Variants in SPAG16 observed in about 807,000 individuals in gnomAD.
The protein encoded by SPAG16 is sperm associated antigen 16.
A neutral mutation model predicts 80.4 loss-of-function variants in SPAG16; 86 were observed. The ratio of observed to expected loss-of-function variants is 1.07; its 90% CI spans 0.90 to 1.28. The LOEUF (loss-of-function observed/expected upper bound fraction) is 1.28. Among genes scored for constraint, SPAG16 ranks in the 50% most tolerant of loss-of-function variants. The pLI is 0.00. For missense variants in SPAG16, 870 were observed against 765.3 expected, an observed-to-expected ratio of 1.14 and a Z score of -1.61; for synonymous variants, 294 against 265.9, an observed-to-expected ratio of 1.11 and a Z score of -1.03.
In SPAG16 at chr2:213,949,183, T is replaced by G. The variant is rs1034552747; in HGVS notation, c.1400+19038T>G. Among the ~76,000 whole-genome samples the G allele has an allele frequency of 3.4e-3, 65 of 19,164 alleles. 2 individuals carry two copies. Among genetic ancestry groups the G allele is most frequent in the South Asian group, 0.027 (5 of 188 alleles). The allele number at this position is 19,164 out of a possible 152,430, so 12.6% of individuals were successfully genotyped here. A position where few individuals can be genotyped will look rare whatever the true frequency, so the allele number is the denominator to read the frequency against. Reference sequence around the variant, plus strand: ...TAATTACAACAGTTTTTTTTTTTTTTTTTTTTTTTTGAGGTAGAGTCTCTG... The same window carrying G: ...TAATTACAACAGTTTTTTTTTTTTTGTTTTTTTTTTGAGGTAGAGTCTCTG... On this transcript the variant is annotated intron_variant, in intron 12 of 15. Transcript: ENST00000331683.
intron 15 of SPAG16, among the ~76,000 whole-genome samples, chr2:214,183,841 T>C (rs369243828): frequency 1.3e-5 from 2 of 152,156 alleles, no homozygotes; most frequent in African/African-American, 2.4e-5. Context: ...GTGTATAGAT[T>C]ACCCCATCTG....
At chr2:213,969,278 C>G (rs2044883764) in intron 12 of SPAG16, among the ~76,000 whole-genome samples, 1 of 152,186 alleles carries the variant, frequency 6.6e-6, no homozygotes, top group African/African-American at 2.4e-5. Flanking sequence ...AATTCTCCAT[C>G]CAGATTATGG....
intron 13 of SPAG16, among the ~76,000 whole-genome samples, chr2:214,087,364 C>G (rs1002636517): frequency 6.6e-6 from 1 of 152,062 alleles, no homozygotes; most frequent in African/African-American, 2.4e-5. Flanking sequence ...CCCTACTTAA[C>G]ATGACAATAA....
At chr2:213,758,524 A>G (rs35242124) in intron 10 of SPAG16, among the ~76,000 whole-genome samples, 37,140 of 152,072 alleles carry the variant, frequency 0.24, 4,980 homozygotes, top group Middle Eastern at 0.33. Context: ...GTTAAAAAAA[A>G]TTGGGAGCTG....
chr2:213,827,717 A>G (rs745753844), intron 10 of SPAG16, among the ~76,000 whole-genome samples: 22 of 151,984 alleles, frequency 1.4e-4, no homozygotes, highest in Non-Finnish European at 2.4e-4. Context: ...TGGTGTTGAA[A>G]TTCCAGAGCT....
At chr2:213,844,739 T>C (rs934715653) in intron 10 of SPAG16, among the ~76,000 whole-genome samples, 1 of 152,242 alleles carries the variant, frequency 6.6e-6, no homozygotes, top group Non-Finnish European at 1.5e-5. Flanking sequence ...TAGCCAGTTT[T>C]TTACTGTCTT....
intron 11 of SPAG16, among the ~76,000 whole-genome samples, chr2:213,917,673 G>A (rs1258961184): frequency 6.6e-6 from 1 of 152,108 alleles, no homozygotes; most frequent in East Asian, 1.9e-4. Flanking sequence ...GGAACTTTTG[G>A]GCCAAGATTA....
At chr2:213,894,364 C>A (rs1255781142) in intron 11 of SPAG16, among the ~76,000 whole-genome samples, 1 of 151,948 alleles carries the variant, frequency 6.6e-6, no homozygotes, top group Non-Finnish European at 1.5e-5. Context: ...TAATAGGTGC[C>A]CATAAAAGCA....
chr2:214,102,309 A>T (rs1380048082), intron 13 of SPAG16, among the ~76,000 whole-genome samples: 1 of 152,052 alleles, frequency 6.6e-6, no homozygotes, highest in Non-Finnish European at 1.5e-5. Flanking sequence ...AAAATTCATG[A>T]AGTAATTTTG....
intron 10 of SPAG16, among the ~76,000 whole-genome samples, chr2:213,502,571 G>C (rs899472032): frequency 2.0e-5 from 3 of 152,202 alleles, no homozygotes; most frequent in Non-Finnish European, 4.4e-5. Flanking sequence ...ATTAGTTTAT[G>C]AATTTCTATT....
chr2:213,711,335 A>G (rs2065976340), intron 10 of SPAG16, among the ~76,000 whole-genome samples: 1 of 152,102 alleles, frequency 6.6e-6, no homozygotes, highest in Non-Finnish European at 1.5e-5. Flanking sequence ...AAGATCATTT[A>G]GAAAATGTTT....
chr2:213,708,763 G>A (rs751375478), intron 10 of SPAG16, among the ~76,000 whole-genome samples: 3 of 152,138 alleles, frequency 2.0e-5, no homozygotes, highest in Non-Finnish European at 2.9e-5. Flanking sequence ...TCCAGTCTGG[G>A]TGACAAAGTG....
intron 15 of SPAG16, among the ~76,000 whole-genome samples, chr2:214,266,459 G>A (rs1362750319): frequency 6.6e-6 from 1 of 151,720 alleles, no homozygotes. Flanking sequence ...ATTAGATATA[G>A]AATGAATGTT....
Position 214,060,965 on chromosome 2 carries a change from G to T in SPAG16, c.1527+46888G>T, listed in dbSNP as rs897932070. Among the ~76,000 whole-genome samples the T allele has an allele frequency of 6.6e-5, 10 of 152,160 alleles. No individual in the cohort carries two copies. In the East Asian group the frequency reaches 9.6e-4, roughly 15 times the overall value. On this transcript the variant is annotated intron_variant, in intron 13 of 15. Coordinates refer to ENST00000331683, the MANE Select transcript of SPAG16 (RefSeq NM_024532.5). ...AAGAACTATGCTACTTGAGTGATGG[G>T]AACAATTTAGGGAAGTCCCATAAGG... is the stretch of plus-strand genomic sequence containing the variant.
In SPAG16 at chr2:213,870,918, C is replaced by T. The variant is rs545752374; in HGVS notation, c.1214+8290C>T. Among the ~76,000 whole-genome samples the T allele has an allele frequency of 1.7e-4, 26 of 152,206 alleles. No individual in the cohort carries two copies. The South Asian group carries it at 5.2e-3, about 30-fold the overall frequency. ...GTATCCCTGGGACACAGAAGGTAAA[C>T]TGAAACATTATAGAGAATGAGAAAA... On this transcript the variant is annotated intron_variant, in intron 11 of 15. Coordinates refer to ENST00000331683, the MANE Select transcript of SPAG16 (RefSeq NM_024532.5).
intron 13 of SPAG16, among the ~76,000 whole-genome samples, chr2:214,031,911 C>A (rs1406161867): frequency 6.6e-6 from 1 of 152,122 alleles, no homozygotes; most frequent in Non-Finnish European, 1.5e-5. Flanking sequence ...GGAAATCTGC[C>A]CCCATGATCC....
intron 9 of SPAG16, among the ~76,000 whole-genome samples, chr2:213,445,255 A>G (rs2071222173): frequency 6.6e-6 from 1 of 152,250 alleles, no homozygotes; most frequent in African/African-American, 2.4e-5. Flanking sequence ...AAACGATTCA[A>G]CTGACAAGAG....
At chr2:214,033,883 A>T (rs77524642) in intron 13 of SPAG16, among the ~76,000 whole-genome samples, 13 of 152,232 alleles carry the variant, frequency 8.5e-5, no homozygotes, top group African/African-American at 3.1e-4. Context: ...TAACACTGAT[A>T]CAGCTATCTA....
At chr2:213,449,240 T>A (rs1317999134) in intron 9 of SPAG16, among the ~76,000 whole-genome samples, 1 of 152,134 alleles carries the variant, frequency 6.6e-6, no homozygotes, top group African/African-American at 2.4e-5. Flanking sequence ...GGTTCTCTGC[T>A]CTTGAACCCT....
Sources: allele counts gnomAD v4.1 joint callset (sites outside exome capture counted in the v4.1 genomes callset), GRCh38; gene constraint gnomAD v4.1.1; transcripts MANE v1.5; gene names NCBI Gene and HGNC (gene_info 2026-07-23, HGNC 2026-07-21).